TRPC4AP: variants seen among roughly 807,000 people sequenced by gnomAD.
TRPC4AP encodes short transient receptor potential channel 4-associated protein.
In TRPC4AP, 45 loss-of-function variants were observed where a neutral mutation model predicts 99.0. The ratio of observed to expected loss-of-function variants is 0.45; its 90% CI spans 0.36 to 0.58. The LOEUF (loss-of-function observed/expected upper bound fraction) is 0.58, where lower values mean the gene tolerates loss of function less well. Ranked by LOEUF, TRPC4AP falls within the 20% of genes least tolerant of loss-of-function variation. TRPC4AP has a pLI of 0.00. For missense variants in TRPC4AP, 879 were observed against 985.3 expected, an observed-to-expected ratio of 0.89 and a Z score of 1.44; for synonymous variants, 408 against 385.8, an observed-to-expected ratio of 1.06 and a Z score of -0.67.
At chr20:35,016,211 T>A (rs1410257481) in intron 9 of TRPC4AP, 72 bp from the exon 10 acceptor site, 25 of 1,559,740 alleles carry the variant, frequency 1.6e-5, no homozygotes, top group Non-Finnish European at 2.2e-5. Flanking sequence ...TCGTGCTCAG[T>A]ACACACGATA....
At chr20:35,024,854 A>AAAAAAAAAAAACAT (rs1479270980) in intron 8 of TRPC4AP, among the ~76,000 whole-genome samples, 1,118 of 89,272 alleles carry the variant, frequency 0.013, 246 homozygotes, top group East Asian at 0.039. Context: ...AAAAAAAAAA[A>AAAAAAAAAAAACAT]ATTCTGTTTA....
chr20:35,010,255 C>T lies in TRPC4AP; in HGVS notation c.1443G>A (p.Leu481=), dbSNP rs745818738. The part of the protein sequence containing the change: ...NKYLLLNNQE[L]NELSAISLKA... ...TGAGAGAGATGGCACTGAGTTCATTCAGCTCCTGGTTGTTGAGTAACAAGT... is the reference window on the plus strand; with the variant it reads ...TGAGAGAGATGGCACTGAGTTCATTTAGCTCCTGGTTGTTGAGTAACAAGT... Residue 481 remains leucine, a synonymous_variant, in exon 12 of 19, where the codon CTG becomes CTA. Coordinates refer to ENST00000252015, the MANE Select transcript of TRPC4AP (RefSeq NM_015638.3). The T allele has an allele frequency of 1.2e-6, 2 of 1,614,212 alleles. No individual in the cohort carries two copies. Among genetic ancestry groups the T allele is most frequent in the Non-Finnish European group, 1.7e-6 (2 of 1,180,036 alleles).
chr20:35,051,561 C>G (rs906198949), intron 5 of TRPC4AP, among the ~76,000 whole-genome samples: 1 of 150,202 alleles, frequency 6.7e-6, no homozygotes, highest in Non-Finnish European at 1.5e-5. Flanking sequence ...CTAAAGAAAG[C>G]AATCTCCATC....
chr20:35,075,384 A>AT (rs1439146754), intron 2 of TRPC4AP, among the ~76,000 whole-genome samples: 10 of 152,312 alleles, frequency 6.6e-5, no homozygotes, highest in Middle Eastern at 3.4e-3. Flanking sequence ...ATGTTTTTGC[A>AT]GTAGTTGGTA....
chr20:35,043,047 C>CAT (rs2083475444), intron 7 of TRPC4AP, among the ~76,000 whole-genome samples: 2 of 123,694 alleles, frequency 1.6e-5, no homozygotes, highest in Admixed American at 2.0e-4. Context: ...AAAACTATAC[C>CAT]ATATACACAC....
At position 35,002,566 on chromosome 20, in the gene TRPC4AP, A is replaced by G; in HGVS notation, c.*580T>C. 1 of 201,948 alleles carries G rather than the reference A, an allele frequency of 5.0e-6. No homozygotes were observed. Among genetic ancestry groups the G allele is most frequent in the Non-Finnish European group, 9.9e-6 (1 of 101,184 alleles). 12.5% of individuals were successfully genotyped at this position (201,948 alleles called of 1,614,324 possible). A position where few individuals can be genotyped will look rare whatever the true frequency, so the allele number is the denominator to read the frequency against. On this transcript the variant is annotated 3_prime_UTR_variant, in exon 19 of 19. Transcript: ENST00000252015. ...AGCTGCCCCGTGCCCCAAGGGATGG[A>G]GGGAAAGGCCCCTCACTTCTGGGAG...
chr20:35,010,403 AC>A, intron 11 of TRPC4AP, 115 bp from the exon 12 acceptor site: 1 of 808,264 alleles, frequency 1.2e-6, no homozygotes. Context: ...CTGAGAAGCC[AC>A]CAGGCACTTT....
rs1398007784 is a variant in TRPC4AP, at chr20:35,035,253, T to C, written c.921A>G (p.Arg307=). The change falls in exon 8 of 19, where the codon CGA becomes CGG. Residue 307 remains arginine (R), a synonymous_variant. Transcript: ENST00000252015. Reference sequence around the variant, plus strand: ...CTGTGCCCGTTGACTCTGACACCTTTCGAGTCGCCAGTTTGCAAAGCCGCT... The same window carrying C: ...CTGTGCCCGTTGACTCTGACACCTTCCGAGTCGCCAGTTTGCAAAGCCGCT... The part of the protein sequence containing the change: ...FVERLCKLAT[R]KVSESTGTAS... 6.2e-7 allele frequency: 1 copy of C among 1,614,084 alleles called. No individual in the cohort carries two copies. Among genetic ancestry groups the C allele is most frequent in the South Asian group, 1.1e-5 (1 of 91,062 alleles).
At chr20:35,037,444 C>G (rs2083345986) in intron 7 of TRPC4AP, among the ~76,000 whole-genome samples, 1 of 151,784 alleles carries the variant, frequency 6.6e-6, no homozygotes, top group Non-Finnish European at 1.5e-5. Context: ...AAAACAGGTG[C>G]ACACACAAAT....
chr20:35,019,524 G>A (rs180811844), intron 9 of TRPC4AP, among the ~76,000 whole-genome samples: 110 of 152,226 alleles, frequency 7.2e-4, no homozygotes, highest in African/African-American at 2.6e-3. Flanking sequence ...CTCAAGAATC[G>A]AGTGTGGGGA....
chr20:35,073,065 C>T (rs1367799613), intron 2 of TRPC4AP, among the ~76,000 whole-genome samples: 1 of 152,118 alleles, frequency 6.6e-6, no homozygotes, highest in African/African-American at 2.4e-5. Context: ...GGAGTTCACT[C>T]ATGATTTGGC....
intron 3 of TRPC4AP, among the ~76,000 whole-genome samples, chr20:35,062,338 AC>A (rs1440965830): frequency 6.6e-6 from 1 of 152,210 alleles, no homozygotes; most frequent in Non-Finnish European, 1.5e-5. Flanking sequence ...AAATGAAAAC[AC>A]GTCCACCTAA....
intron 9 of TRPC4AP, among the ~76,000 whole-genome samples, chr20:35,020,726 C>A (rs2082865974): frequency 6.6e-6 from 1 of 152,134 alleles, no homozygotes; most frequent in Non-Finnish European, 1.5e-5. Flanking sequence ...AGGTTATGGG[C>A]CCCTCCTCCT....
At chr20:35,083,524 C>T (rs113296089) in intron 1 of TRPC4AP, among the ~76,000 whole-genome samples, 36 of 151,254 alleles carry the variant, frequency 2.4e-4, no homozygotes, top group African/African-American at 8.3e-4. Flanking sequence ...GCAGGAGAAT[C>T]GCTTGAACCT....
At chr20:35,010,807 C>G (rs2082618150) in intron 11 of TRPC4AP, among the ~76,000 whole-genome samples, 1 of 152,182 alleles carries the variant, frequency 6.6e-6, no homozygotes, top group African/African-American at 2.4e-5. Flanking sequence ...TGAGTCATCA[C>G]ACGGTGCCAA....
intron 1 of TRPC4AP, among the ~76,000 whole-genome samples, chr20:35,084,901 G>T (rs1191062265): frequency 2.0e-5 from 3 of 152,038 alleles, no homozygotes; most frequent in Admixed American, 6.6e-5. Context: ...AAATAATAAT[G>T]CTAACATCAT....
chr20:35,032,719 G>A (rs973741284), intron 8 of TRPC4AP, among the ~76,000 whole-genome samples: 1 of 151,566 alleles, frequency 6.6e-6, no homozygotes, highest in Admixed American at 6.6e-5. Context: ...TGATCCGCCC[G>A]CCTCAGCCTC....
chr20:35,058,316 C>T (rs1459382601), intron 3 of TRPC4AP, among the ~76,000 whole-genome samples: 2 of 152,222 alleles, frequency 1.3e-5, no homozygotes, highest in African/African-American at 4.8e-5. Context: ...TTCTAACAGA[C>T]ATCTACAGAA....
intron 9 of TRPC4AP, 110 bp from the exon 10 acceptor site, chr20:35,016,249 G>T: frequency 7.6e-7 from 1 of 1,318,088 alleles, no homozygotes; most frequent in Non-Finnish European, 1.1e-6. Flanking sequence ...TATCAGTACT[G>T]TCAGTAAGGA....
Sources: gnomAD v4.1 joint callset for allele counts (sites outside exome capture counted in the v4.1 genomes callset) on GRCh38, gnomAD v4.1.1 for gene constraint, MANE v1.5 for transcripts, NCBI Gene and HGNC (gene_info 2026-07-23, HGNC 2026-07-21) for gene names.